HECW1: variants seen among roughly 807,000 people sequenced by gnomAD.
The protein encoded by HECW1 is HECT, C2 and WW domain containing E3 ubiquitin protein ligase 1.
A neutral mutation model predicts 182.3 loss-of-function variants in HECW1; 61 were observed. That is an observed-to-expected ratio of 0.33 (90% CI 0.27 to 0.41). The LOEUF (loss-of-function observed/expected upper bound fraction) is 0.41. HECW1 is among the 10% of genes least tolerant of loss of function. HECW1 has a pLI of 1.00. For synonymous variants in HECW1, 859 were observed against 832.6 expected, an observed-to-expected ratio of 1.03 and a Z score of -0.55; for missense variants, 1,739 against 2,108.9, an observed-to-expected ratio of 0.82 and a Z score of 3.44.
chr7:43,457,814 A>G (rs2077454405), intron 13 of HECW1, among the ~76,000 whole-genome samples: 2 of 152,102 alleles, frequency 1.3e-5, no homozygotes, highest in Non-Finnish European at 2.9e-5. Flanking sequence ...AAACAAAAAA[A>G]TAAAAATGAA....
At chr7:43,168,616 T>C (rs10279129) in intron 2 of HECW1, among the ~76,000 whole-genome samples, 120,600 of 152,022 alleles carry the variant, frequency 0.79, 47,962 homozygotes, top group Non-Finnish European at 0.82. Context: ...GCTGTGATTG[T>C]ACCACTACAC....
intron 2 of HECW1, among the ~76,000 whole-genome samples, chr7:43,217,646 T>C (rs146690856): frequency 1.3e-5 from 2 of 152,214 alleles, no homozygotes; most frequent in Non-Finnish European, 2.9e-5. Flanking sequence ...AATAAGATTA[T>C]ACAACAGACA....
rs535808036 is a variant in HECW1, at chr7:43,289,832, C to T, written c.28-21931C>T. 1.1e-3 allele frequency among the ~76,000 whole-genome samples: 171 copies of T among 152,276 alleles called. 1 individual carries two copies. The highest frequency in any genetic ancestry group is 3.8e-3 in the African/African-American group (157 of 41,560). On this transcript the variant is annotated intron_variant, in intron 3 of 29. Transcript: ENST00000395891. Reference sequence around the variant, plus strand: ...CATAAATCAGTACATGGAAGGTGTACACTGGTTAGGCAGGAAAAGGCAGGA... The same window carrying T: ...CATAAATCAGTACATGGAAGGTGTATACTGGTTAGGCAGGAAAAGGCAGGA...
intron 16 of HECW1, among the ~76,000 whole-genome samples, chr7:43,476,092 A>G (rs1174116518): frequency 1.3e-5 from 2 of 152,216 alleles, no homozygotes; most frequent in Admixed American, 6.5e-5. Flanking sequence ...GCCCTCCTAA[A>G]GAAGGAGACA....
chr7:43,446,154 T>G (rs73098708), intron 11 of HECW1, among the ~76,000 whole-genome samples: 1 of 151,712 alleles, frequency 6.6e-6, no homozygotes, highest in Non-Finnish European at 1.5e-5. Flanking sequence ...TTGGTTTTGT[T>G]TTGTTGTTGT....
chr7:43,251,210 C>CT (rs1799991488), intron 3 of HECW1, among the ~76,000 whole-genome samples: 1 of 152,214 alleles, frequency 6.6e-6, no homozygotes, highest in South Asian at 2.1e-4. Flanking sequence ...AGCTGTCTGT[C>CT]GAAGAATGAG....
chr7:43,417,754 A>G (rs1373192147), intron 8 of HECW1, among the ~76,000 whole-genome samples: 1 of 152,188 alleles, frequency 6.6e-6, no homozygotes, highest in Non-Finnish European at 1.5e-5. Context: ...TTCCAATAAT[A>G]AATCTATAAT....
chr7:43,522,980 T>C, intron 24 of HECW1: 1 of 430,944 alleles, frequency 2.3e-6, no homozygotes, highest in East Asian at 7.5e-5. Flanking sequence ...TGTGTTCTCT[T>C]TCCAAAGGTA....
chr7:43,407,842 C>G, intron 8 of HECW1, 111 bp downstream of exon 8: 1 of 952,168 alleles, frequency 1.1e-6, no homozygotes, highest in Non-Finnish European at 1.6e-6. Flanking sequence ...GCTGCTCAAT[C>G]TATGGCTGTC....
At position 43,489,421 on chromosome 7, in the gene HECW1, G is replaced by C. The variant is rs150188335; in HGVS notation, c.3235-2654G>C. The stretch of plus-strand genomic sequence containing the variant: ...AAGTATGAGGATTCAATACTGCATA[G>C]TTTATTGATCAGCAAACTTTTCTTT... On this transcript the variant is annotated intron_variant, in intron 17 of 29. Transcript: ENST00000395891. 7.2e-3 allele frequency among the ~76,000 whole-genome samples: 1,101 copies of C among 152,298 alleles called. 14 individuals carry two copies. Among genetic ancestry groups the C allele is most frequent in the African/African-American group, 0.024 (1,008 of 41,556 alleles).
At position 43,274,272 on chromosome 7, in the gene HECW1, C is replaced by A. The variant is rs543181980; in HGVS notation, c.27+30340C>A. 1.2e-5 allele frequency: 12 copies of A among 1,003,690 alleles called. No homozygotes were observed. In the Admixed American group the frequency reaches 1.9e-4, roughly 16 times the overall value. The allele number at this position is 1,003,690 out of a possible 1,614,324, so 62.2% of individuals were successfully genotyped here. ...GCGAATCTTTGCGCCTAAATCATGT[C>A]GTCGCCAAGTCCCGCTTCTGGTACT... On this transcript the variant is annotated intron_variant, in intron 3 of 29. Transcript: ENST00000395891.
At chr7:43,165,712 A>G (rs574903379) in intron 2 of HECW1, among the ~76,000 whole-genome samples, 1 of 152,302 alleles carries the variant, frequency 6.6e-6, no homozygotes, top group African/African-American at 2.4e-5. Context: ...TTTCCTTACA[A>G]TCAATCATGC....
At chr7:43,223,753 T>C (rs1190691807) in intron 2 of HECW1, among the ~76,000 whole-genome samples, 1 of 152,168 alleles carries the variant, frequency 6.6e-6, no homozygotes, top group East Asian at 1.9e-4. Context: ...TCTCCTTACC[T>C]CTCACTCTGC....
At chr7:43,221,825 A>G (rs558520581) in intron 2 of HECW1, among the ~76,000 whole-genome samples, 39 of 152,130 alleles carry the variant, frequency 2.6e-4, no homozygotes, top group African/African-American at 9.4e-4. Context: ...GATTACAGGC[A>G]TGAGCCACTG....
chr7:43,499,099 G>A (rs756875033), intron 19 of HECW1, among the ~76,000 whole-genome samples: 4 of 151,872 alleles, frequency 2.6e-5, no homozygotes, highest in Non-Finnish European at 5.9e-5. Flanking sequence ...TGCGCAACAT[G>A]GTGAAACCCT....
At chr7:43,521,690 C>T (rs1013807864) in intron 24 of HECW1, among the ~76,000 whole-genome samples, 1 of 152,160 alleles carries the variant, frequency 6.6e-6, no homozygotes, top group African/African-American at 2.4e-5. Flanking sequence ...AGTCTGACAA[C>T]ATGGTGAAAC....
At chr7:43,328,289 C>A (rs1212375952) in intron 5 of HECW1, among the ~76,000 whole-genome samples, 1 of 151,244 alleles carries the variant, frequency 6.6e-6, no homozygotes, top group Non-Finnish European at 1.5e-5. Context: ...TGGAGCAAGA[C>A]CTTGTCTCAA....
chr7:43,176,892 T>A (rs1270668257), intron 2 of HECW1, among the ~76,000 whole-genome samples: 2 of 152,234 alleles, frequency 1.3e-5, no homozygotes, highest in Non-Finnish European at 2.9e-5. Context: ...AAAGGCCACC[T>A]GCATTGCAAT....
At chr7:43,218,849 G>A (rs947856653) in intron 2 of HECW1, among the ~76,000 whole-genome samples, 3 of 152,176 alleles carry the variant, frequency 2.0e-5, no homozygotes, top group South Asian at 2.1e-4. Flanking sequence ...ACGGACACAC[G>A]TGGAGTGGTT....
Sources: gnomAD v4.1 joint callset for allele counts (sites outside exome capture counted in the v4.1 genomes callset) on GRCh38, gnomAD v4.1.1 for gene constraint, MANE v1.5 for transcripts, NCBI Gene and HGNC (gene_info 2026-07-23, HGNC 2026-07-21) for gene names.